The following ANO1 variants were observed in gnomAD, a reference collection of about 807,000 sequenced individuals.
ANO1 encodes anoctamin 1, also known as anoctamin-1.
A neutral mutation model predicts 124.0 loss-of-function variants in ANO1; 59 were observed. The observed-to-expected ratio is 0.48, with a 90% confidence interval of 0.39 to 0.59. The LOEUF (loss-of-function observed/expected upper bound fraction) is 0.59, where lower values mean the gene tolerates loss of function less well. Ranked by LOEUF, ANO1 falls within the 20% of genes least tolerant of loss-of-function variation. The pLI is 0.00. For synonymous variants in ANO1, 529 were observed against 532.0 expected (o/e 0.99, Z 0.08); for missense variants, 1,059 against 1,328.0 (o/e 0.80, Z 3.15).
rs1307191229 is a variant in ANO1, at chr11:70,180,072, G to A, written c.2403+16G>A. 6.2e-7 allele frequency: 1 copy of A among 1,609,702 alleles called. No homozygotes were observed. The highest frequency in any genetic ancestry group is 1.1e-5 in the South Asian group (1 of 90,996). On this transcript the variant is annotated intron_variant, in intron 23 of 25. Coordinates refer to ENST00000355303, the MANE Select transcript of ANO1 (RefSeq NM_018043.7). ...CATCATCAATGTAAGTGACATCAGG[G>A]ACCTTGGCAGAATGGAAGTCCCGGC...
chr11:70,072,334 A>G (rs999371771), intron 1 of ANO1: 2 of 152,264 alleles, frequency 1.3e-5, no homozygotes, highest in African/African-American at 2.4e-5. Context: ...GAGACCCCCA[A>G]CCTGGCAGAG....
At chr11:70,019,953 G>A (rs1403398353) in intron 1 of ANO1, among the ~76,000 whole-genome samples, 2 of 152,250 alleles carry the variant, frequency 1.3e-5, no homozygotes, top group Non-Finnish European at 2.9e-5. Flanking sequence ...GAGGGCCCCT[G>A]GCTCTGGGTC....
At chr11:70,157,051 A>G in intron 16 of ANO1, 30 bp downstream of exon 16, 1 of 1,595,812 alleles carries the variant, frequency 6.3e-7, no homozygotes, top group East Asian at 2.2e-5. Context: ...GGCCAGACGA[A>G]GTCAGGGGAA....
chr11:70,058,454 C>T (rs1272609903), intron 1 of ANO1, among the ~76,000 whole-genome samples: 2 of 152,104 alleles, frequency 1.3e-5, no homozygotes, highest in Non-Finnish European at 2.9e-5. Context: ...TCAACCTGGG[C>T]CTGAAGGATT....
Position 70,182,501 on chromosome 11 carries a change from G to A in ANO1, c.2404-1G>A. ...CCCTCACTGCCATGTCCCCTGCACAGGCCTTCGTGATCTCCTTCACGTCTG... is the reference window on the plus strand; with the variant it reads ...CCCTCACTGCCATGTCCCCTGCACAAGCCTTCGTGATCTCCTTCACGTCTG... On this transcript the variant is annotated splice_acceptor_variant, in intron 23 of 25. Transcript: ENST00000355303. LOFTEE classifies it high-confidence loss of function. The A allele has an allele frequency of 6.4e-7, 1 of 1,572,700 alleles. No individual in the cohort carries two copies. Among genetic ancestry groups the A allele is most frequent in the African/African-American group, 1.4e-5 (1 of 73,902 alleles).
At chr11:69,970,472 G>T in the ANO1 span, among the ~76,000 whole-genome samples, 2 of 152,202 alleles carry the variant, frequency 1.3e-5, no homozygotes, top group Non-Finnish European at 2.9e-5. Flanking sequence ...CGTGAACTGT[G>T]GTCCCGACCA....
intron 1 of ANO1, among the ~76,000 whole-genome samples, chr11:70,036,870 G>T (rs1298824143): frequency 6.6e-6 from 1 of 152,214 alleles, no homozygotes; most frequent in Non-Finnish European, 1.5e-5. Flanking sequence ...GCCTCCCAAA[G>T]TGTTGGGATT....
chr11:70,124,216 A>G, intron 8 of ANO1, 134 bp from the exon 9 acceptor site: 1 of 765,060 alleles, frequency 1.3e-6, no homozygotes, highest in Non-Finnish European at 2.2e-6. Flanking sequence ...CACAGCCCAC[A>G]CAGCCCACTC....
chr11:70,117,423 T>C (rs10898471), intron 8 of ANO1, among the ~76,000 whole-genome samples: 21,497 of 151,990 alleles, frequency 0.14, 1,642 homozygotes, highest in Middle Eastern at 0.18. Flanking sequence ...CCCCAAAGCG[T>C]TGGTCCCCAC....
At chr11:70,111,649 C>A in intron 6 of ANO1, 58 bp from the exon 7 acceptor site, 1 of 1,560,182 alleles carries the variant, frequency 6.4e-7, no homozygotes, top group Non-Finnish European at 8.8e-7. Context: ...TGTGACTTTA[C>A]AATGGGAAGC....
At chr11:70,010,705 C>T (rs1856585901) in intron 1 of ANO1, among the ~76,000 whole-genome samples, 1 of 152,114 alleles carries the variant, frequency 6.6e-6, no homozygotes, top group African/African-American at 2.4e-5. Flanking sequence ...CACTGTCCCT[C>T]AAACACTCAA....
rs779433032 is a variant in ANO1, at chr11:70,156,866, C to T, written c.1504-81C>T. 31 of 1,311,684 alleles carry T rather than the reference C, an allele frequency of 2.4e-5. 1 individual carries two copies. The highest frequency in any genetic ancestry group is 1.5e-4 in the South Asian group (12 of 78,632). 81.3% of individuals were successfully genotyped at this position (1,311,684 alleles called of 1,614,324 possible). ...AGTTGTCCCTGGGCCCATGCACGCA[C>T]GCACATGCACCCACGCTGACACACA... On this transcript the variant is annotated intron_variant, in intron 15 of 25. Transcript: ENST00000355303.
At chr11:69,981,587 CAGCGCTTTGCTGCTGGG>C (rs1178875342), upstream of ANO1, among the ~76,000 whole-genome samples, 8 of 152,364 alleles carry the variant, frequency 5.3e-5, no homozygotes, top group African/African-American at 1.7e-4. Flanking sequence ...ACTCCAGCAA[CAGCGCTTTGCTGCTGGG>C]AGCCCCTGGT....
chr11:70,082,681 G>T (rs757406246), intron 1 of ANO1, among the ~76,000 whole-genome samples: 13 of 152,172 alleles, frequency 8.5e-5, no homozygotes, highest in Non-Finnish European at 1.6e-4. Flanking sequence ...CTTCGAATTT[G>T]GAAGTTATGC....
intron 2 of ANO1, among the ~76,000 whole-genome samples, chr11:70,099,010 C>A (rs1037479357): frequency 6.6e-6 from 1 of 152,190 alleles, no homozygotes; most frequent in East Asian, 1.9e-4. Flanking sequence ...GCATCTTCTG[C>A]CCCCTCTGGT....
At chr11:70,155,867 C>T (rs1452572587) in intron 14 of ANO1, 44 bp from the exon 15 acceptor site, 2 of 1,500,976 alleles carry the variant, frequency 1.3e-6, no homozygotes, top group South Asian at 2.6e-5. Flanking sequence ...GGTGCCGCCT[C>T]CCACTTCACC....
intron 1 of ANO1, among the ~76,000 whole-genome samples, chr11:69,989,494 G>C (rs1158147200): frequency 1.3e-5 from 2 of 152,084 alleles, no homozygotes; most frequent in East Asian, 3.9e-4. Context: ...AGGAGAGGGA[G>C]GGAAAGAGGG....
At chr11:70,125,250 G>A (rs551164679) in intron 9 of ANO1, among the ~76,000 whole-genome samples, 14 of 152,314 alleles carry the variant, frequency 9.2e-5, no homozygotes, top group Non-Finnish European at 1.6e-4. Flanking sequence ...GGCTGAGGCA[G>A]GAGAATCGCT....
intron 20 of ANO1, 70 bp downstream of exon 20, chr11:70,165,640 CG>C: frequency 7.5e-7 from 1 of 1,327,802 alleles, no homozygotes; most frequent in South Asian, 1.3e-5. Context: ...GTGGCTCCTG[CG>C]GGGGTCTGGG....
Sources: gnomAD v4.1 joint callset for allele counts (sites outside exome capture counted in the v4.1 genomes callset) on GRCh38, gnomAD v4.1.1 for gene constraint, MANE v1.5 for transcripts, NCBI Gene and HGNC (gene_info 2026-07-23, HGNC 2026-07-21) for gene names.